The following DYSF variants were observed in gnomAD, a reference collection of about 807,000 sequenced individuals.
The protein encoded by DYSF is dystrophy-associated fer-1-like 1.
A neutral mutation model predicts 274.9 loss-of-function variants in DYSF; 212 were observed. The observed-to-expected ratio is 0.77, with a 90% CI of 0.69 to 0.86. The LOEUF is 0.86. Among genes scored for constraint, DYSF ranks in the 40% least tolerant of loss-of-function variants. The pLI, the probability that DYSF is intolerant of heterozygous loss-of-function variation, is 0.00. For missense variants in DYSF, 2,666 were observed against 2,783.2 expected (o/e 0.96, Z 0.95); for synonymous variants, 1,091 against 1,078.7 (o/e 1.01, Z -0.22).
rs1229707459 is a variant in DYSF at position 71,611,347 on chromosome 2, G to C, written c.4059+1G>C. On this transcript the variant is annotated splice_donor_variant, in intron 37 of 55. Coordinates refer to ENST00000410020, the MANE Select transcript of DYSF (RefSeq NM_001130987.2). LOFTEE classifies it high-confidence loss of function. ...AGCGCTCCAGCGTACCGCCATCGAG[G>C]TGAGCCGTCCGGGCCTGGGCGTGGG... 3 of 1,613,584 alleles carry C rather than the reference G, an allele frequency of 1.9e-6. No homozygotes were observed. The highest frequency in any genetic ancestry group is 1.3e-5 in the African/African-American group (1 of 74,636).
intron 41 of DYSF, 94 bp downstream of exon 41, chr2:71,620,703 G>T: frequency 7.7e-7 from 1 of 1,305,812 alleles, no homozygotes; most frequent in Non-Finnish European, 1.1e-6. Flanking sequence ...GAGAGTGGGA[G>T]GGAAGAAAGG....
intron 22 of DYSF, among the ~76,000 whole-genome samples, chr2:71,561,396 A>AC (rs149073930): frequency 0.019 from 2,886 of 152,050 alleles, 79 homozygotes; most frequent in African/African-American, 0.066. Context: ...CAGGAGCAGG[A>AC]CCCCCTGGGC....
chr2:71,487,227 A>G (rs182569156), intron 3 of DYSF, among the ~76,000 whole-genome samples: 2 of 152,348 alleles, frequency 1.3e-5, no homozygotes, highest in Non-Finnish European at 2.9e-5. Context: ...AATTGTATTT[A>G]ATTTTAATGA....
chr2:71,515,643 G>GGGGC lies in DYSF; in HGVS notation c.782_785dup (p.Gln263AlafsTer35). 1 of 1,614,014 alleles carries GGGGC rather than the reference G, an allele frequency of 6.2e-7. No homozygotes were observed. The highest frequency in any genetic ancestry group is 1.7e-4 in the Middle Eastern group (1 of 6,060). ...TTCAGATCAGGGTCCAGGTGATCGA[G>GGGGC]GGGCGCCAGCTGCCGGGGGTGAACA... On this transcript the variant is annotated frameshift_variant, in exon 8 of 56. Transcript: ENST00000410020. LOFTEE classifies it high-confidence loss of function.
chr2:71,546,277 T>C (rs1268809495), intron 17 of DYSF, among the ~76,000 whole-genome samples: 1 of 152,250 alleles, frequency 6.6e-6, no homozygotes, highest in Non-Finnish European at 1.5e-5. Flanking sequence ...TTGTAGCCCA[T>C]TGGGGTGATA....
At chr2:71,639,767 G>T (rs934254104) in intron 41 of DYSF, among the ~76,000 whole-genome samples, 2 of 152,162 alleles carry the variant, frequency 1.3e-5, no homozygotes, top group African/African-American at 4.8e-5. Context: ...GTGTCAAAGT[G>T]CATGTTCTTT....
intron 51 of DYSF, among the ~76,000 whole-genome samples, chr2:71,670,904 C>A (rs2095108152): frequency 6.6e-6 from 1 of 152,124 alleles, no homozygotes; most frequent in Admixed American, 6.5e-5. Context: ...CTCTCCAACT[C>A]AAGGGGGTAA....
chr2:71,670,158 C>T (rs1032732746), intron 51 of DYSF, among the ~76,000 whole-genome samples: 1 of 152,188 alleles, frequency 6.6e-6, no homozygotes, highest in African/African-American at 2.4e-5. Flanking sequence ...TCTCTTCCAC[C>T]ATCTTTCCCA....
chr2:71,528,395 G>A lies in DYSF; in HGVS notation c.1374G>A (p.Gly458=). The change falls in exon 14 of 56, where the codon GGG becomes GGA. Residue 458 remains glycine (G), a synonymous_variant. Coordinates refer to ENST00000410020, the MANE Select transcript of DYSF (RefSeq NM_001130987.2). ...CCTTTGTGGAGGTCAGCTTTGCGGG[G>A]AAAATGGTAAGGAGCAAGGGAGCAG... ...VDPFVEVSFA[G]KMLCSKILEK... is the part of the protein sequence containing the mutation. The A allele has an allele frequency of 6.2e-7, 1 of 1,613,844 alleles. No homozygotes were observed.
intron 30 of DYSF, among the ~76,000 whole-genome samples, chr2:71,580,346 C>G (rs868058467): frequency 6.6e-6 from 1 of 152,242 alleles, no homozygotes; most frequent in Non-Finnish European, 1.5e-5. Flanking sequence ...AAGCCTGGGC[C>G]GGCGAGGCAA....
At chr2:71,576,664 C>A (rs1030635059) in intron 30 of DYSF, among the ~76,000 whole-genome samples, 1 of 152,144 alleles carries the variant, frequency 6.6e-6, no homozygotes, top group Non-Finnish European at 1.5e-5. Context: ...GCCTGCCAGG[C>A]GGCCCAGGGC....
chr2:71,492,206 C>T (rs1272925511), intron 3 of DYSF, among the ~76,000 whole-genome samples: 1 of 152,212 alleles, frequency 6.6e-6, no homozygotes, highest in Non-Finnish European at 1.5e-5. Flanking sequence ...TACCCTTGGG[C>T]AGGCCCTGGG....
chr2:71,481,016 A>AG (rs2082838252), intron 2 of DYSF, 78 bp downstream of exon 2: 2 of 1,414,462 alleles, frequency 1.4e-6, no homozygotes, highest in Non-Finnish European at 2.0e-6. Context: ...GGGCTTGTGG[A>AG]GGAGGTGCCT....
intron 17 of DYSF, among the ~76,000 whole-genome samples, chr2:71,540,104 CTTTTTTTTTCT>C (rs1197037549): frequency 2.0e-5 from 3 of 146,464 alleles, no homozygotes; most frequent in African/African-American, 7.8e-5. Context: ...AAGATTTCAA[CTTTTTTTTTCT>C]TTTTTTTTTT....
At chr2:71,575,638 G>A (rs1433125428) in intron 30 of DYSF, among the ~76,000 whole-genome samples, 3 of 152,068 alleles carry the variant, frequency 2.0e-5, no homozygotes, top group East Asian at 3.9e-4. Context: ...ATGATCCTGC[G>A]GCTCTAGCTG....
intron 44 of DYSF, 126 bp from the exon 45 acceptor site, chr2:71,660,434 G>T: frequency 1.2e-6 from 1 of 804,874 alleles, no homozygotes; most frequent in South Asian, 1.4e-5. Context: ...GTCTTGGCAG[G>T]ACACAGCCCA....
At chr2:71,588,169 TG>T (rs2093136119) in intron 30 of DYSF, among the ~76,000 whole-genome samples, 1 of 152,034 alleles carries the variant, frequency 6.6e-6, no homozygotes, top group African/African-American at 2.4e-5. Flanking sequence ...GGGCCGGGTT[TG>T]GGGGAAGAAA....
chr2:71,648,577 A>G (rs999457692), intron 42 of DYSF, among the ~76,000 whole-genome samples: 1 of 152,234 alleles, frequency 6.6e-6, no homozygotes, highest in Non-Finnish European at 1.5e-5. Context: ...ATGGTTTAAT[A>G]AAACCTTACG....
chr2:71,600,282 G>A (rs1407971520), intron 33 of DYSF, among the ~76,000 whole-genome samples: 2 of 152,244 alleles, frequency 1.3e-5, no homozygotes, highest in Non-Finnish European at 2.9e-5. Flanking sequence ...CATTTGCAAA[G>A]TGGGTGGGAA....
Sources: gnomAD v4.1 joint callset for allele counts (sites outside exome capture counted in the v4.1 genomes callset) on GRCh38, gnomAD v4.1.1 for gene constraint, MANE v1.5 for transcripts, NCBI Gene and HGNC (gene_info 2026-07-23, HGNC 2026-07-21) for gene names.